IFT88: variants seen among roughly 807,000 people sequenced by gnomAD.
IFT88 encodes intraflagellar transport protein 88 homolog.
IFT88 carries 74 observed loss-of-function variants against 119.5 expected under a neutral mutation model. The observed-to-expected ratio is 0.62, with a 90% CI of 0.51 to 0.75. The LOEUF (loss-of-function observed/expected upper bound fraction) is 0.75. Among genes scored for constraint, IFT88 ranks in the 30% least tolerant of loss-of-function variants. The pLI, the probability that IFT88 is intolerant of heterozygous loss-of-function variation, is 0.00. For synonymous variants in IFT88, 279 were observed against 316.7 expected (o/e 0.88, Z 1.26); for missense variants, 961 against 977.7 (o/e 0.98, Z 0.23).
chr13:20,649,402 A>G (rs1386068927), intron 20 of IFT88, among the ~76,000 whole-genome samples: 1 of 152,230 alleles, frequency 6.6e-6, no homozygotes, highest in African/African-American at 2.4e-5. Context: ...ACTCTTAACT[A>G]GTGGATCAAA....
At chr13:20,641,731 G>C (rs527624022) in intron 18 of IFT88, 1 of 180,870 alleles carries the variant, frequency 5.5e-6, no homozygotes, top group East Asian at 1.4e-4. Context: ...TCTGAAGCTT[G>C]TAGGGTATCA....
intron 15 of IFT88, among the ~76,000 whole-genome samples, chr13:20,627,994 GTCTT>G (rs1329995223): frequency 1.3e-5 from 2 of 151,676 alleles, no homozygotes; most frequent in East Asian, 1.9e-4. Flanking sequence ...CTTTCACTCT[GTCTT>G]TCTTTTGTTT....
chr13:20,670,805 AC>A (rs2055698465), intron 23 of IFT88, among the ~76,000 whole-genome samples, 167 bp from the exon 24 acceptor site: 1 of 151,514 alleles, frequency 6.6e-6, no homozygotes, highest in Non-Finnish European at 1.5e-5. Context: ...CCCTCCACTT[AC>A]AAAACAACTC....
Position 20,690,711 on chromosome 13 carries a change from G to T in IFT88, c.2249G>T (p.Gly750Val). 1 of 1,607,928 alleles carries T rather than the reference G, an allele frequency of 6.2e-7. No homozygotes were observed. The highest frequency in any genetic ancestry group is 8.5e-7 in the Non-Finnish European group (1 of 1,174,550). ...TTTATTTTCGTGTTTTCAGATAGTG[G>T]CCAGAACTATAGTGCCAGTAGTAAA... ...KREGSASGDS[G>V]QNYSASSKGE... Residue 750 changes from glycine to valine, a missense_variant, in exon 25 of 26, where the codon GGC (glycine) becomes GTC (valine). Physicochemically the swap from Gly to Val is moderately radical, Grantham distance 109 (BLOSUM62 -3). Coordinates refer to ENST00000351808, the MANE Select transcript of IFT88 (RefSeq NM_006531.5).
intron 2 of IFT88, among the ~76,000 whole-genome samples, chr13:20,574,720 G>A (rs565308750): frequency 6.6e-6 from 1 of 152,282 alleles, no homozygotes; most frequent in African/African-American, 2.4e-5. Context: ...GTATTCTTCA[G>A]CACTAGCTAT....
intron 21 of IFT88, among the ~76,000 whole-genome samples, chr13:20,656,122 T>TAAAGAAAAAA (rs1555300234): frequency 9.5e-6 from 1 of 104,768 alleles, no homozygotes; most frequent in Non-Finnish European, 1.8e-5. Flanking sequence ...CTCGTCTCTT[T>TAAAGAAAAAA]AAAAAAAAAA....
At chr13:20,628,495 A>C (rs1276586370) in intron 15 of IFT88, among the ~76,000 whole-genome samples, 5 of 152,354 alleles carry the variant, frequency 3.3e-5, no homozygotes, top group South Asian at 4.1e-4. Flanking sequence ...TTTAGAATGA[A>C]ATTTAATTTT....
At chr13:20,656,122 T>TTAAAAAAAA (rs541523266) in intron 21 of IFT88, among the ~76,000 whole-genome samples, 1 of 104,768 alleles carries the variant, frequency 9.5e-6, no homozygotes. Flanking sequence ...CTCGTCTCTT[T>TTAAAAAAAA]AAAAAAAAAA....
chr13:20,597,752 A>T (rs11617183), intron 9 of IFT88, among the ~76,000 whole-genome samples: 71 of 133,314 alleles, frequency 5.3e-4, no homozygotes, highest in African/African-American at 9.3e-4. Context: ...TCTCAAAAAA[A>T]AAATATATAT....
chr13:20,677,035 A>G (rs758056911), intron 24 of IFT88, among the ~76,000 whole-genome samples: 5 of 152,202 alleles, frequency 3.3e-5, no homozygotes, highest in Non-Finnish European at 7.3e-5. Context: ...TCTAGCCATA[A>G]TAAGTACTCA....
At chr13:20,670,917 T>C in intron 23 of IFT88, 56 bp from the exon 24 acceptor site, 1 of 1,477,572 alleles carries the variant, frequency 6.8e-7, no homozygotes, top group Non-Finnish European at 9.4e-7. Context: ...TTTATCTATA[T>C]TCAACTTTGA....
Position 20,645,537 on chromosome 13 carries a change from G to C in IFT88, c.1949+579G>C, listed in dbSNP as rs768719294. ...TCTTACACCTCAGCAAACAATTATT[G>C]TTCCTTTATCAATCAGAAAATGACT... On this transcript the variant is annotated intron_variant, in intron 20 of 25. Transcript: ENST00000351808. Among the ~76,000 whole-genome samples the C allele has an allele frequency of 7.3e-5, 11 of 151,584 alleles. 1 individual carries two copies. Among genetic ancestry groups the C allele is most frequent in the Non-Finnish European group, 1.6e-4 (11 of 67,916 alleles).
chr13:20,612,123 A>G (rs530783653), intron 13 of IFT88: 3 of 152,334 alleles, frequency 2.0e-5, no homozygotes, highest in South Asian at 2.1e-4. Flanking sequence ...AAAAAAATCA[A>G]TATACAAAAA....
intron 23 of IFT88, among the ~76,000 whole-genome samples, chr13:20,665,078 CA>C (rs397851417): frequency 0.3 from 37,053 of 125,486 alleles, 5,815 homozygotes; most frequent in African/African-American, 0.49. Context: ...CACTCCGTCT[CA>C]AAAAAAAAAA....
chr13:20,623,642 T>A (rs990831895), intron 14 of IFT88, among the ~76,000 whole-genome samples: 1 of 151,858 alleles, frequency 6.6e-6, no homozygotes, highest in South Asian at 2.1e-4. Context: ...GCCCAGCTAA[T>A]TTTTTTTGTA....
intron 1 of IFT88, among the ~76,000 whole-genome samples, chr13:20,568,194 T>C (rs1200260710): frequency 2.0e-5 from 3 of 150,520 alleles, no homozygotes; most frequent in Non-Finnish European, 4.4e-5. Flanking sequence ...AAAAAAAAGG[T>C]TTTGCCAGCA....
intron 3 of IFT88, among the ~76,000 whole-genome samples, chr13:20,587,996 CTTTT>C (rs35750861): frequency 7.4e-6 from 1 of 135,918 alleles, no homozygotes; most frequent in African/African-American, 2.7e-5. Flanking sequence ...TTACTATTTG[CTTTT>C]TTTTTTTTTT....
chr13:20,581,176 T>G (rs959004196), intron 2 of IFT88, among the ~76,000 whole-genome samples: 1 of 152,312 alleles, frequency 6.6e-6, no homozygotes, highest in East Asian at 1.9e-4. Context: ...GGCTTATGCT[T>G]GGTTTTCTTT....
chr13:20,609,133 A>T (rs1361597282), intron 13 of IFT88, among the ~76,000 whole-genome samples: 1 of 152,272 alleles, frequency 6.6e-6, no homozygotes, highest in East Asian at 1.9e-4. Flanking sequence ...ATGCGTTAGG[A>T]CTGGCTTATG....
Sources: gnomAD v4.1 joint callset for allele counts (sites outside exome capture counted in the v4.1 genomes callset) on GRCh38, gnomAD v4.1.1 for gene constraint, MANE v1.5 for transcripts, NCBI Gene and HGNC (gene_info 2026-07-23, HGNC 2026-07-21) for gene names.